The following ZNF420 variants were observed in gnomAD, a reference collection of about 807,000 sequenced individuals.
ZNF420 encodes the protein zinc finger protein 420, also known as ATM and p53-associated KZNF protein.
ZNF420 carries 31 observed loss-of-function variants against 44.7 expected under a neutral mutation model. That is an observed-to-expected ratio of 0.69 (90% CI 0.52 to 0.94). ZNF420 has a LOEUF of 0.94. Ranked by LOEUF, ZNF420 falls within the 40% of genes least tolerant of loss-of-function variation. The probability of loss-of-function intolerance (pLI) is 0.00; values close to 1 mark genes in which losing one functional copy is unlikely to be tolerated. For missense variants in ZNF420, 681 were observed against 827.9 expected, an observed-to-expected ratio of 0.82 and a Z score of 2.18; for synonymous variants, 245 against 267.4, an observed-to-expected ratio of 0.92 and a Z score of 0.82.
chr19:37,109,580 A>T (rs1321779051), intron 4 of ZNF420: 1 of 152,102 alleles, frequency 6.6e-6, no homozygotes, highest in African/African-American at 2.4e-5. Flanking sequence ...TTGTGAGTTG[A>T]TGGTGCTTGA....
At chr19:37,023,801 C>T (rs560453494) in intron 1 of ZNF420, among the ~76,000 whole-genome samples, 1 of 152,228 alleles carries the variant, frequency 6.6e-6, no homozygotes, top group South Asian at 2.1e-4. Context: ...CAAATTGATA[C>T]CTAATAAGAG....
chr19:37,130,067 A>G lies in ZNF420; in HGVS notation c.*1009A>G. The G allele has an allele frequency of 1.3e-6, 2 of 1,549,806 alleles. No homozygotes were observed. The highest frequency in any genetic ancestry group is 1.4e-5 in the African/African-American group (1 of 73,114). ...CTTGCAGGTCAACAAGATAGAAGTGATATTTATATGAGTAGGAGATTTACG... is the reference window on the plus strand; with the variant it reads ...CTTGCAGGTCAACAAGATAGAAGTGGTATTTATATGAGTAGGAGATTTACG... On this transcript the variant is annotated 3_prime_UTR_variant, in exon 5 of 5. Transcript: ENST00000337995.
At chr19:37,053,048 GC>G (rs1167540971) in intron 1 of ZNF420, among the ~76,000 whole-genome samples, 13 of 152,118 alleles carry the variant, frequency 8.5e-5, no homozygotes, top group African/African-American at 2.9e-4. Context: ...TTTCTTGGAG[GC>G]TTTGTTCATT....
intron 1 of ZNF420, among the ~76,000 whole-genome samples, chr19:37,032,459 C>T (rs549294939): frequency 6.8e-5 from 10 of 148,026 alleles, no homozygotes; most frequent in East Asian, 2.0e-4. Flanking sequence ...GAGCCAAGAT[C>T]GCGCTCTGCA....
At chr19:37,038,883 G>A (rs144165363) in intron 1 of ZNF420, among the ~76,000 whole-genome samples, 8 of 152,102 alleles carry the variant, frequency 5.3e-5, no homozygotes, top group East Asian at 1.9e-4. Context: ...CTCCTCGGGC[G>A]TCTGAGGCAG....
chr19:37,052,704 G>T (rs1967661401), intron 1 of ZNF420, among the ~76,000 whole-genome samples: 1 of 152,142 alleles, frequency 6.6e-6, no homozygotes, highest in Non-Finnish European at 1.5e-5. Context: ...CTCTCTTCTG[G>T]CTTGTAGAGT....
At chr19:37,055,732 G>A (rs936332111) in intron 1 of ZNF420, among the ~76,000 whole-genome samples, 1 of 152,168 alleles carries the variant, frequency 6.6e-6, no homozygotes. Flanking sequence ...GTGTTGAGGC[G>A]CCAGGCTGAC....
intron 4 of ZNF420, among the ~76,000 whole-genome samples, chr19:37,117,873 G>C (rs1049962864): frequency 2.0e-5 from 3 of 152,336 alleles, no homozygotes; most frequent in African/African-American, 7.2e-5. Context: ...AAGGGTATCA[G>C]TGATGGAAGA....
At chr19:37,014,047 G>T (rs1219432372) in intron 1 of ZNF420, among the ~76,000 whole-genome samples, 1 of 152,208 alleles carries the variant, frequency 6.6e-6, no homozygotes, top group East Asian at 1.9e-4. Context: ...CCAGGAGAGG[G>T]CCTGTGCCGG....
chr19:37,050,602 A>C (rs1967621157), intron 1 of ZNF420, among the ~76,000 whole-genome samples: 1 of 148,224 alleles, frequency 6.7e-6, no homozygotes, highest in African/African-American at 2.6e-5. Context: ...TATCAGCTTA[A>C]GGAGATTTTG....
intron 4 of ZNF420, among the ~76,000 whole-genome samples, chr19:37,120,910 C>T (rs1970992384): frequency 6.6e-6 from 1 of 151,994 alleles, no homozygotes; most frequent in Non-Finnish European, 1.5e-5. Context: ...AGGAATCCAA[C>T]TTACAAGGGA....
rs1203357989 is a variant in ZNF420, at chr19:37,130,044, T to C, written c.*986T>C. ...CTGGGCTGAAAATCTCAGCCTTCCT[T>C]GCAGGTCAACAAGATAGAAGTGATA... On this transcript the variant is annotated 3_prime_UTR_variant, in exon 5 of 5. Coordinates refer to ENST00000337995, the MANE Select transcript of ZNF420 (RefSeq NM_144689.5). The C allele has an allele frequency of 1.2e-5, 18 of 1,542,216 alleles. No homozygotes were observed. Among genetic ancestry groups the C allele is most frequent in the Non-Finnish European group, 1.6e-5 (18 of 1,143,294 alleles).
Position 37,062,738 on chromosome 19 carries a change from C to T in ZNF420, c.-124-17607C>T, listed in dbSNP as rs565852564. Among the ~76,000 whole-genome samples, 6 of 152,240 alleles carry T rather than the reference C, an allele frequency of 3.9e-5. No homozygotes were observed. The East Asian group carries it at 1.2e-3, about 29-fold the overall frequency. On this transcript the variant is annotated intron_variant, in intron 1 of 4. Coordinates refer to the ZNF420 transcript ENST00000587029. ...AAATAAATACATCATTTAAAACTCACGTAGGACTTCATCATTTCTTCTTCC... is the reference window on the plus strand; with the variant it reads ...AAATAAATACATCATTTAAAACTCATGTAGGACTTCATCATTTCTTCTTCC...
intron 1 of ZNF420, among the ~76,000 whole-genome samples, chr19:37,019,798 C>T (rs1486539793): frequency 6.6e-6 from 1 of 151,742 alleles, no homozygotes; most frequent in Non-Finnish European, 1.5e-5. Context: ...AATAGAATTA[C>T]CATATGATCC....
intron 4 of ZNF420, among the ~76,000 whole-genome samples, chr19:37,122,960 AG>A (rs1304856143): frequency 6.6e-6 from 1 of 152,232 alleles, no homozygotes; most frequent in African/African-American, 2.4e-5. Flanking sequence ...GTTCAAAACC[AG>A]ACTTTTCACA....
upstream of ZNF420, among the ~76,000 whole-genome samples, chr19:37,076,948 T>C (rs1454732999): frequency 6.6e-6 from 1 of 152,198 alleles, no homozygotes; most frequent in East Asian, 1.9e-4. Context: ...ACAGGTTCAT[T>C]CCCTCAAGAA....
intron 1 of ZNF420, among the ~76,000 whole-genome samples, chr19:37,059,818 A>G (rs1373668690): frequency 2.1e-5 from 3 of 146,168 alleles, no homozygotes; most frequent in African/African-American, 2.5e-5. Flanking sequence ...CTCTCACTCT[A>G]TCTCTGTGTG....
chr19:37,103,896 C>T (rs1299173712), intron 4 of ZNF420, among the ~76,000 whole-genome samples: 1 of 151,962 alleles, frequency 6.6e-6, no homozygotes, highest in African/African-American at 2.4e-5. Context: ...GATATAGCTC[C>T]ATTTCTTTGC....
intron 4 of ZNF420, among the ~76,000 whole-genome samples, chr19:37,096,707 T>A (rs1436766577): frequency 6.6e-6 from 1 of 152,188 alleles, no homozygotes; most frequent in Non-Finnish European, 1.5e-5. Flanking sequence ...CACCCCTGGA[T>A]CTTGTTTACT....
Sources: allele counts gnomAD v4.1 joint callset (sites outside exome capture counted in the v4.1 genomes callset), GRCh38; gene constraint gnomAD v4.1.1; transcripts MANE v1.5; gene names NCBI Gene and HGNC (gene_info 2026-07-23, HGNC 2026-07-21).